The following ST6GALNAC3 variants were observed in gnomAD, a reference collection of about 807,000 sequenced individuals.
The protein encoded by ST6GALNAC3 is ST6 N-acetylgalactosaminide alpha-2,6-sialyltransferase 3.
Under a neutral mutation model 32.7 loss-of-function variants are expected in ST6GALNAC3, and 25 were observed. The ratio of observed to expected loss-of-function variants is 0.76; its 90% confidence interval spans 0.56 to 1.07. The LOEUF (loss-of-function observed/expected upper bound fraction) is 1.07, where lower values mean the gene tolerates loss of function less well. ST6GALNAC3 is among the 50% of genes least tolerant of loss of function. The pLI is 0.00. For missense variants in ST6GALNAC3, 355 were observed against 382.4 expected (o/e 0.93, Z 0.60); for synonymous variants, 129 against 133.1 (o/e 0.97, Z 0.21).
intron 3 of ST6GALNAC3, among the ~76,000 whole-genome samples, chr1:76,517,734 T>G (rs1662257703): frequency 6.6e-6 from 1 of 152,012 alleles, no homozygotes; most frequent in Non-Finnish European, 1.5e-5. Flanking sequence ...TGCAGTAGCC[T>G]ATTTTAGTAT....
intron 3 of ST6GALNAC3, among the ~76,000 whole-genome samples, chr1:76,417,631 C>A (rs1277248845): frequency 6.6e-6 from 1 of 152,108 alleles, no homozygotes; most frequent in African/African-American, 2.4e-5. Flanking sequence ...TTCTGCTTTC[C>A]TATGGGTAGG....
intron 3 of ST6GALNAC3, among the ~76,000 whole-genome samples, chr1:76,533,961 G>A (rs35652544): frequency 0.65 from 97,943 of 151,836 alleles, 33,869 homozygotes; most frequent in Non-Finnish European, 0.77. Flanking sequence ...AAAAATTATT[G>A]TCATACGTAT....
chr1:76,579,026 T>G (rs548952572), intron 3 of ST6GALNAC3, among the ~76,000 whole-genome samples: 2 of 152,192 alleles, frequency 1.3e-5, no homozygotes, highest in South Asian at 4.1e-4. Context: ...GATTTCACAT[T>G]GGGTATAGCT....
chr1:76,120,138 A>C (rs1315538504), intron 1 of ST6GALNAC3, among the ~76,000 whole-genome samples: 1 of 152,260 alleles, frequency 6.6e-6, no homozygotes, highest in Non-Finnish European at 1.5e-5. Flanking sequence ...TTTAGATGGA[A>C]ATAAAATATA....
At chr1:76,318,059 A>G (rs1189601841) in intron 2 of ST6GALNAC3, among the ~76,000 whole-genome samples, 1 of 152,102 alleles carries the variant, frequency 6.6e-6, no homozygotes, top group African/African-American at 2.4e-5. Context: ...TTTATCAATT[A>G]ATCTGTTTTT....
intron 3 of ST6GALNAC3, among the ~76,000 whole-genome samples, chr1:76,611,938 T>C (rs1212944328): frequency 6.6e-6 from 1 of 152,184 alleles, no homozygotes; most frequent in Admixed American, 6.5e-5. Context: ...ACGATATTGA[T>C]TTTGTGTCTA....
intron 1 of ST6GALNAC3, among the ~76,000 whole-genome samples, chr1:76,162,144 A>G (rs1202731889): frequency 3.3e-5 from 5 of 152,228 alleles, no homozygotes; most frequent in Admixed American, 3.3e-4. Context: ...AGCTGTGTGA[A>G]TGGGCATGTT....
chr1:76,420,131 T>G (rs544922422), intron 3 of ST6GALNAC3, among the ~76,000 whole-genome samples: 74 of 152,140 alleles, frequency 4.9e-4, no homozygotes, highest in African/African-American at 1.8e-3. Context: ...AACTTTAATG[T>G]ACATCAAGCC....
At chr1:76,400,685 G>C (rs1653341786) in intron 2 of ST6GALNAC3, among the ~76,000 whole-genome samples, 1 of 152,088 alleles carries the variant, frequency 6.6e-6, no homozygotes, top group African/African-American at 2.4e-5. Context: ...TTAGGAGTTT[G>C]AGACCAGCCT....
At chr1:76,591,245 C>A (rs1647043513) in intron 3 of ST6GALNAC3, among the ~76,000 whole-genome samples, 1 of 151,640 alleles carries the variant, frequency 6.6e-6, no homozygotes, top group South Asian at 2.1e-4. Context: ...ACATTTCAGG[C>A]AAAGGGAATA....
chr1:76,364,521 C>T (rs1650216150), intron 2 of ST6GALNAC3, among the ~76,000 whole-genome samples: 1 of 151,874 alleles, frequency 6.6e-6, no homozygotes, highest in African/African-American at 2.4e-5. Flanking sequence ...GCACTGCACT[C>T]CAGCCTGGGT....
intron 3 of ST6GALNAC3, among the ~76,000 whole-genome samples, chr1:76,535,454 T>A (rs1013519505): frequency 6.6e-6 from 1 of 152,176 alleles, no homozygotes; most frequent in Non-Finnish European, 1.5e-5. Flanking sequence ...CCCCAGGTAA[T>A]GGACAAGTTC....
intron 3 of ST6GALNAC3, among the ~76,000 whole-genome samples, chr1:76,447,146 T>C (rs1657035369): frequency 6.6e-6 from 1 of 152,190 alleles, no homozygotes; most frequent in African/African-American, 2.4e-5. Flanking sequence ...AAATCCAGGC[T>C]GAAGTGGTCT....
intron 1 of ST6GALNAC3, among the ~76,000 whole-genome samples, chr1:76,264,089 C>G (rs1056308814): frequency 6.6e-6 from 1 of 152,132 alleles, no homozygotes; most frequent in Non-Finnish European, 1.5e-5. Flanking sequence ...TCTACTCATA[C>G]AGCTGGAAGG....
chr1:76,220,761 T>C (rs1327614150), intron 1 of ST6GALNAC3, among the ~76,000 whole-genome samples: 1 of 152,216 alleles, frequency 6.6e-6, no homozygotes, highest in Non-Finnish European at 1.5e-5. Flanking sequence ...TGTAAATGCC[T>C]GGAGTGGGCA....
intron 3 of ST6GALNAC3, among the ~76,000 whole-genome samples, chr1:76,622,771 A>G (rs1274654583): frequency 6.6e-6 from 1 of 152,016 alleles, no homozygotes; most frequent in Non-Finnish European, 1.5e-5. Flanking sequence ...TTGGTATTCA[A>G]TAATTAGCAG....
intron 1 of ST6GALNAC3, among the ~76,000 whole-genome samples, chr1:76,116,650 G>A (rs1214045970): frequency 6.6e-6 from 1 of 152,150 alleles, no homozygotes; most frequent in Non-Finnish European, 1.5e-5. Context: ...GTAAAATCTG[G>A]CTGGGTGCGG....
At chr1:76,348,334 A>G (rs1445946878) in intron 2 of ST6GALNAC3, among the ~76,000 whole-genome samples, 1 of 152,214 alleles carries the variant, frequency 6.6e-6, no homozygotes, top group Non-Finnish European at 1.5e-5. Context: ...CCGAATGTGT[A>G]AGTATCTTTC....
At chr1:76,377,649 T>G (rs59741131) in intron 2 of ST6GALNAC3, among the ~76,000 whole-genome samples, 48,102 of 152,078 alleles carry the variant, frequency 0.32, 8,717 homozygotes, top group Middle Eastern at 0.43. Flanking sequence ...AGAGCCAAAC[T>G]ATATCATTGA....
Sources: allele counts gnomAD v4.1 joint callset (sites outside exome capture counted in the v4.1 genomes callset), GRCh38; gene constraint gnomAD v4.1.1; transcripts MANE v1.5; gene names NCBI Gene and HGNC (gene_info 2026-07-23, HGNC 2026-07-21).